The following PTPRO variants were observed in gnomAD, a reference collection of about 807,000 sequenced individuals.
PTPRO encodes receptor-type tyrosine-protein phosphatase O.
Under a neutral mutation model 145.2 loss-of-function variants are expected in PTPRO, and 62 were observed. The ratio of observed to expected loss-of-function variants is 0.43; its 90% CI spans 0.35 to 0.53. The LOEUF (loss-of-function observed/expected upper bound fraction) is 0.53, where lower values mean the gene tolerates loss of function less well. Ranked by LOEUF, PTPRO falls within the 20% of genes least tolerant of loss-of-function variation. PTPRO has a pLI of 0.01. For synonymous variants in PTPRO, 565 were observed against 514.7 expected (o/e 1.10, Z -1.32); for missense variants, 1,345 against 1,482.7 (o/e 0.91, Z 1.53).
chr12:15,461,094 A>G (rs935855791), intron 1 of PTPRO, among the ~76,000 whole-genome samples: 3 of 152,172 alleles, frequency 2.0e-5, no homozygotes, highest in Non-Finnish European at 4.4e-5. Flanking sequence ...AAGCCTGATA[A>G]GAAACATTTT....
intron 2 of PTPRO, 115 bp from the exon 3 acceptor site, chr12:15,497,130 G>A: frequency 1.0e-6 from 1 of 969,900 alleles, no homozygotes; most frequent in Admixed American, 1.7e-5. Flanking sequence ...CCCACAGACA[G>A]TGAAAATTAT....
intron 18 of PTPRO, among the ~76,000 whole-genome samples, chr12:15,567,480 C>T (rs1477241301): frequency 6.6e-6 from 1 of 151,910 alleles, no homozygotes; most frequent in African/African-American, 2.4e-5. Flanking sequence ...CCCTTATGTC[C>T]ATTCTTCTGT....
chr12:15,514,786 G>A (rs1942541745), intron 7 of PTPRO, among the ~76,000 whole-genome samples: 1 of 151,418 alleles, frequency 6.6e-6, no homozygotes, highest in Non-Finnish European at 1.5e-5. Context: ...TTTTTTGAGA[G>A]CTTGTCTCAC....
chr12:15,380,877 T>G (rs1273944413), intron 1 of PTPRO, among the ~76,000 whole-genome samples: 1 of 152,156 alleles, frequency 6.6e-6, no homozygotes, highest in East Asian at 1.9e-4. Flanking sequence ...GAAAGAACAT[T>G]CAATAATATT....
intron 9 of PTPRO, among the ~76,000 whole-genome samples, chr12:15,517,896 T>C (rs531561036): frequency 1.9e-4 from 29 of 152,328 alleles, no homozygotes; most frequent in Admixed American, 1.8e-3. Context: ...CTTTTCCAGG[T>C]GCACAGTGCA....
chr12:15,422,686 G>C (rs1401645875), intron 1 of PTPRO, among the ~76,000 whole-genome samples: 3 of 152,102 alleles, frequency 2.0e-5, no homozygotes, highest in Non-Finnish European at 4.4e-5. Flanking sequence ...CAGGTTTTCA[G>C]GCTCATCTTA....
At chr12:15,557,101 C>T (rs554714399) in intron 15 of PTPRO, among the ~76,000 whole-genome samples, 1 of 149,928 alleles carries the variant, frequency 6.7e-6, no homozygotes, top group East Asian at 2.0e-4. Context: ...AGTGCGGTGG[C>T]GCGATCTCTG....
intron 1 of PTPRO, among the ~76,000 whole-genome samples, chr12:15,458,908 T>A (rs1941240828): frequency 6.6e-6 from 1 of 152,228 alleles, no homozygotes; most frequent in Non-Finnish European, 1.5e-5. Context: ...GGTTCTTCAT[T>A]TTAGTATATC....
At chr12:15,552,849 G>T (rs1943505596) in intron 15 of PTPRO, among the ~76,000 whole-genome samples, 1 of 138,340 alleles carries the variant, frequency 7.2e-6, no homozygotes, top group African/African-American at 2.7e-5. Flanking sequence ...GCCCAGGCTG[G>T]AGTGCAATGG....
chr12:15,580,884 C>T, intron 22 of PTPRO, 53 bp downstream of exon 22: 1 of 1,605,442 alleles, frequency 6.2e-7, no homozygotes, highest in Non-Finnish European at 8.5e-7. Flanking sequence ...GCCCTAGCCA[C>T]TGCCGTTGAT....
intron 1 of PTPRO, among the ~76,000 whole-genome samples, chr12:15,454,153 A>G (rs1941116318): frequency 6.6e-6 from 1 of 152,196 alleles, no homozygotes; most frequent in Non-Finnish European, 1.5e-5. Context: ...GTACCTCCAC[A>G]TAGTTTTCAT....
At chr12:15,506,962 A>C (rs116855407) in intron 6 of PTPRO, among the ~76,000 whole-genome samples, 1 of 152,110 alleles carries the variant, frequency 6.6e-6, no homozygotes, top group Non-Finnish European at 1.5e-5. Flanking sequence ...TTACTATTTC[A>C]TAGTGCTCCA....
intron 12 of PTPRO, among the ~76,000 whole-genome samples, chr12:15,532,527 C>T (rs1265093858): frequency 6.6e-6 from 1 of 152,254 alleles, no homozygotes; most frequent in East Asian, 1.9e-4. Flanking sequence ...CTAATTCCCT[C>T]TGCTGTGACT....
intron 1 of PTPRO, among the ~76,000 whole-genome samples, chr12:15,424,446 T>C (rs145993489): frequency 0.021 from 3,237 of 152,234 alleles, 58 homozygotes; most frequent in Non-Finnish European, 0.033. Flanking sequence ...TAAATAAATA[T>C]TCACTCTTTA....
intron 1 of PTPRO, among the ~76,000 whole-genome samples, chr12:15,453,690 C>A (rs1941104390): frequency 6.6e-6 from 1 of 152,172 alleles, no homozygotes; most frequent in South Asian, 2.1e-4. Context: ...AACTTATGAT[C>A]TTGCATAACT....
At chr12:15,444,825 A>T (rs1003859761) in intron 1 of PTPRO, among the ~76,000 whole-genome samples, 3 of 152,118 alleles carry the variant, frequency 2.0e-5, no homozygotes, top group African/African-American at 7.2e-5. Context: ...TGTTGTTTAT[A>T]AGCTATCTAG....
intron 1 of PTPRO, among the ~76,000 whole-genome samples, chr12:15,354,287 C>T (rs1299463441): frequency 2.0e-5 from 3 of 152,160 alleles, no homozygotes; most frequent in African/African-American, 7.2e-5. Flanking sequence ...TATAAAGCAT[C>T]AGTGATTTCA....
At chr12:15,578,375 A>G (rs1167348541) in intron 19 of PTPRO, among the ~76,000 whole-genome samples, 1 of 152,220 alleles carries the variant, frequency 6.6e-6, no homozygotes, top group Non-Finnish European at 1.5e-5. Flanking sequence ...TCTCCAAATG[A>G]CCACTAAGTT....
chr12:15,331,454 G>A (rs1002008749), intron 1 of PTPRO, among the ~76,000 whole-genome samples: 1 of 152,138 alleles, frequency 6.6e-6, no homozygotes, highest in Non-Finnish European at 1.5e-5. Flanking sequence ...ACTGGCAGTA[G>A]GATGCTGGGA....
Sources: allele counts gnomAD v4.1 joint callset (sites outside exome capture counted in the v4.1 genomes callset), GRCh38; gene constraint gnomAD v4.1.1; transcripts MANE v1.5; gene names NCBI Gene and HGNC (gene_info 2026-07-23, HGNC 2026-07-21).